The following PARD3B variants were observed in gnomAD, a reference collection of about 807,000 sequenced individuals.
PARD3B encodes par-3 family cell polarity regulator beta.
In PARD3B, 103 loss-of-function variants were observed where a neutral mutation model predicts 130.2. The ratio of observed to expected loss-of-function variants is 0.79; its 90% CI spans 0.67 to 0.93. The LOEUF (loss-of-function observed/expected upper bound fraction) is 0.93, where lower values mean the gene tolerates loss of function less well. PARD3B is among the 40% of genes least tolerant of loss of function. The pLI is 0.00. For missense variants in PARD3B, 1,609 were observed against 1,499.2 expected (o/e 1.07, Z -1.21); for synonymous variants, 583 against 553.2 (o/e 1.05, Z -0.76).
At chr2:205,279,266 C>G (rs751408009) in intron 16 of PARD3B, among the ~76,000 whole-genome samples, 1 of 151,966 alleles carries the variant, frequency 6.6e-6, no homozygotes. Context: ...TGAAATGTTT[C>G]CTCTGGATTT....
At chr2:205,248,010 C>A (rs2039644777) in intron 16 of PARD3B, among the ~76,000 whole-genome samples, 1 of 152,114 alleles carries the variant, frequency 6.6e-6, no homozygotes, top group African/African-American at 2.4e-5. Context: ...CTCACTGCAG[C>A]CTCAACTTCC....
chr2:204,968,696 C>G (rs1691455629), intron 3 of PARD3B, among the ~76,000 whole-genome samples: 1 of 152,172 alleles, frequency 6.6e-6, no homozygotes, highest in African/African-American at 2.4e-5. Context: ...TCAAATATGA[C>G]CTTCTTCATG....
intron 6 of PARD3B, among the ~76,000 whole-genome samples, chr2:205,115,498 TGATTCAGAAATGTA>T (rs1432390808): frequency 6.6e-6 from 1 of 152,202 alleles, no homozygotes; most frequent in East Asian, 1.9e-4. Flanking sequence ...CCAAAAAGCC[TGATTCAGAAATGTA>T]GTTTTATTAT....
intron 4 of PARD3B, 50 bp downstream of exon 4, chr2:205,047,740 C>T (rs555642194): frequency 1.5e-6 from 2 of 1,356,670 alleles, no homozygotes; most frequent in South Asian, 2.6e-5. Flanking sequence ...AGTGCTGTAC[C>T]CATAGGTTAA....
chr2:204,899,475 G>A (rs140443234), intron 2 of PARD3B, among the ~76,000 whole-genome samples: 65 of 151,986 alleles, frequency 4.3e-4, no homozygotes, highest in African/African-American at 1.4e-3. Flanking sequence ...CACTGATTGC[G>A]TAAGCATACA....
intron 4 of PARD3B, among the ~76,000 whole-genome samples, chr2:205,065,992 C>G (rs1219534315): frequency 6.6e-6 from 1 of 152,070 alleles, no homozygotes; most frequent in Non-Finnish European, 1.5e-5. Flanking sequence ...AAAACAACCA[C>G]AAAAACAACA....
intron 2 of PARD3B, among the ~76,000 whole-genome samples, chr2:204,698,863 T>G (rs905634616): frequency 6.6e-6 from 1 of 152,090 alleles, no homozygotes; most frequent in African/African-American, 2.4e-5. Context: ...AACCTCAAAA[T>G]GTCGCTTCAA....
chr2:204,834,944 A>G (rs1460776672), intron 2 of PARD3B, among the ~76,000 whole-genome samples: 6 of 152,248 alleles, frequency 3.9e-5, no homozygotes, highest in Non-Finnish European at 4.4e-5. Flanking sequence ...GTTTAGAGCT[A>G]GAACACCTGG....
intron 4 of PARD3B, among the ~76,000 whole-genome samples, chr2:205,085,226 A>G (rs1034960986): frequency 1.4e-4 from 22 of 152,100 alleles, no homozygotes; most frequent in African/African-American, 5.3e-4. Context: ...TATTTTATTG[A>G]CAGCCTTTTG....
intron 19 of PARD3B, among the ~76,000 whole-genome samples, chr2:205,430,263 A>G (rs963113219): frequency 2.0e-5 from 3 of 152,158 alleles, no homozygotes; most frequent in Non-Finnish European, 2.9e-5. Flanking sequence ...TAGTTGAAAG[A>G]AAGCTGTGTA....
chr2:205,511,545 A>G (rs907169426), intron 21 of PARD3B, among the ~76,000 whole-genome samples: 3 of 152,208 alleles, frequency 2.0e-5, no homozygotes, highest in Non-Finnish European at 1.5e-5. Flanking sequence ...TTCTACTGCA[A>G]TGGGAGAAAT....
rs542549619 is a variant in PARD3B at position 205,344,476 on chromosome 2, T to C, written c.2630+42775T>C. Among the ~76,000 whole-genome samples the C allele has an allele frequency of 1.5e-3, 222 of 152,266 alleles. 1 individual carries two copies. Among genetic ancestry groups the C allele is most frequent in the African/African-American group, 5.0e-3 (209 of 41,540 alleles). On this transcript the variant is annotated intron_variant, in intron 18 of 22. Transcript: ENST00000406610. ...CACAGGCTGTGAGCAACTCACAGAC[T>C]ATCAACTTATGACATCAACTCCTTG...
At position 205,105,070 on chromosome 2, in the gene PARD3B, C is replaced by T. The variant is rs569834104; in HGVS notation, c.593+556C>T. On this transcript the variant is annotated intron_variant, in intron 5 of 22. Coordinates refer to ENST00000406610, the MANE Select transcript of PARD3B (RefSeq NM_001302769.2). The surrounding 1 kb of genome is among the most constrained non-coding windows in gnomAD (Gnocchi z 4.0). ...ACTTTCTTTGCTTTGCATTGATTCCCAGTTCAGCTCTAGGTAGTGCCTGGG... is the reference window on the plus strand; with the variant it reads ...ACTTTCTTTGCTTTGCATTGATTCCTAGTTCAGCTCTAGGTAGTGCCTGGG... Among the ~76,000 whole-genome samples, 120 of 152,304 alleles carry T rather than the reference C, an allele frequency of 7.9e-4. No individual in the cohort carries two copies. The highest frequency in any genetic ancestry group is 2.8e-3 in the African/African-American group (116 of 41,562).
chr2:205,490,121 A>T (rs6746025), intron 20 of PARD3B, among the ~76,000 whole-genome samples: 63,550 of 151,752 alleles, frequency 0.42, 13,755 homozygotes, highest in Admixed American at 0.51. Flanking sequence ...TTTCTTTTTT[A>T]TATATATATA....
At chr2:205,515,452 C>G (rs1415950326) in intron 21 of PARD3B, among the ~76,000 whole-genome samples, 1 of 150,218 alleles carries the variant, frequency 6.7e-6, no homozygotes, top group East Asian at 2.0e-4. Context: ...CTAATTTACA[C>G]TCTCACCAAC....
intron 20 of PARD3B, among the ~76,000 whole-genome samples, chr2:205,494,345 C>A (rs527494639): frequency 2.6e-5 from 4 of 152,264 alleles, no homozygotes; most frequent in African/African-American, 9.6e-5. Flanking sequence ...GTAGTGACCA[C>A]CTCCCTCTCA....
intron 21 of PARD3B, among the ~76,000 whole-genome samples, chr2:205,536,013 G>T (rs891501574): frequency 6.6e-6 from 1 of 152,176 alleles, no homozygotes; most frequent in African/African-American, 2.4e-5. Flanking sequence ...TAAAAATGTG[G>T]CAGCAGGCCT....
At chr2:204,757,378 A>G (rs2040721475) in intron 2 of PARD3B, among the ~76,000 whole-genome samples, 1 of 152,186 alleles carries the variant, frequency 6.6e-6, no homozygotes, top group Non-Finnish European at 1.5e-5. Context: ...CATTCCCACC[A>G]ACAGTGTGTA....
At chr2:204,872,736 T>C (rs2045676950) in intron 2 of PARD3B, among the ~76,000 whole-genome samples, 1 of 152,228 alleles carries the variant, frequency 6.6e-6, no homozygotes. Context: ...TGGGTAATTA[T>C]ATGAATAATT....
Sources: allele counts gnomAD v4.1 joint callset (sites outside exome capture counted in the v4.1 genomes callset), GRCh38; gene constraint gnomAD v4.1.1; non-coding constraint Gnocchi (gnomAD v3.1); transcripts MANE v1.5; gene names NCBI Gene and HGNC (gene_info 2026-07-23, HGNC 2026-07-21).